TTC7B: variants seen among roughly 807,000 people sequenced by gnomAD.
TTC7B encodes tetratricopeptide repeat protein 7B.
A neutral mutation model predicts 106.8 loss-of-function variants in TTC7B; 28 were observed. The observed-to-expected ratio is 0.26, with a 90% CI of 0.19 to 0.36. The LOEUF (loss-of-function observed/expected upper bound fraction) is 0.36, where lower values mean the gene tolerates loss of function less well. TTC7B is among the 10% of genes least tolerant of loss of function. The pLI is 1.00. For missense variants in TTC7B, 862 were observed against 1,076.4 expected (o/e 0.80, Z 2.79); for synonymous variants, 405 against 430.6 (o/e 0.94, Z 0.74).
chr14:90,609,002 A>G (rs916449524), intron 17 of TTC7B, among the ~76,000 whole-genome samples: 2 of 152,148 alleles, frequency 1.3e-5, no homozygotes, highest in African/African-American at 4.8e-5. Context: ...CTGGTGCTAT[A>G]GTGAGTTTCA....
chr14:90,568,012 T>TG (rs1890871080), intron 19 of TTC7B, among the ~76,000 whole-genome samples: 1 of 152,018 alleles, frequency 6.6e-6, no homozygotes, highest in Non-Finnish European at 1.5e-5. Flanking sequence ...GAGCCCTCAA[T>TG]GGGGAGTCTC....
In TTC7B at chr14:90,694,931, A is replaced by G. The variant is rs1887646075; in HGVS notation, c.777+569T>C. On this transcript the variant is annotated intron_variant, in intron 6 of 19. Transcript: ENST00000328459. The stretch of plus-strand genomic sequence containing the variant: ...ACATATATTTATTATAAATATATGT[A>G]TAATATGTCACATATATTTATTATA... Among the ~76,000 whole-genome samples, 3 of 19,974 alleles carry G rather than the reference A, an allele frequency of 1.5e-4. No individual in the cohort carries two copies. In the Admixed American group the frequency reaches 1.9e-3, roughly 13 times the overall value. The allele number at this position is 19,974 out of a possible 152,430, so 13.1% of individuals were successfully genotyped here.
intron 15 of TTC7B, among the ~76,000 whole-genome samples, chr14:90,628,383 G>C (rs558755745): frequency 6.6e-6 from 1 of 152,244 alleles, no homozygotes; most frequent in South Asian, 2.1e-4. Context: ...AGGATCTCTC[G>C]GTCTTTATTT....
intron 5 of TTC7B, among the ~76,000 whole-genome samples, chr14:90,727,309 C>T (rs558045496): frequency 2.8e-4 from 43 of 152,272 alleles, no homozygotes; most frequent in African/African-American, 9.6e-4. Flanking sequence ...CGAGCCACAG[C>T]GCTTCCCACA....
chr14:90,606,921 C>T (rs1026636236), intron 17 of TTC7B, among the ~76,000 whole-genome samples: 1 of 152,036 alleles, frequency 6.6e-6, no homozygotes, highest in Non-Finnish European at 1.5e-5. Context: ...GTATAAGGAC[C>T]CAGGATATAT....
intron 5 of TTC7B, among the ~76,000 whole-genome samples, chr14:90,721,022 T>C (rs1441372231): frequency 1.3e-5 from 2 of 151,984 alleles, no homozygotes; most frequent in Non-Finnish European, 2.9e-5. Context: ...TGCTAACCAG[T>C]TCATCTGTCA....
At chr14:90,558,525 A>G (rs767537277) in intron 19 of TTC7B, among the ~76,000 whole-genome samples, 13 of 152,242 alleles carry the variant, frequency 8.5e-5, no homozygotes. Context: ...GGCTTCCCCC[A>G]TCACTGCCAG....
At chr14:90,764,463 G>T (rs767521693) in intron 3 of TTC7B, among the ~76,000 whole-genome samples, 6 of 151,764 alleles carry the variant, frequency 4.0e-5, no homozygotes, top group Non-Finnish European at 8.8e-5. Flanking sequence ...AAATGAACTG[G>T]ACTTAATCAA....
chr14:90,655,305 T>C (rs1232522170), intron 11 of TTC7B, among the ~76,000 whole-genome samples, 195 bp from the exon 12 acceptor site: 1 of 152,208 alleles, frequency 6.6e-6, no homozygotes, highest in Non-Finnish European at 1.5e-5. Flanking sequence ...TACCTTGCTT[T>C]TTCTCCTTAA....
intron 15 of TTC7B, among the ~76,000 whole-genome samples, chr14:90,627,964 A>C (rs891553307): frequency 2.0e-5 from 3 of 152,114 alleles, no homozygotes; most frequent in African/African-American, 7.2e-5. Context: ...AGACCTCTCC[A>C]GTTCCTGTGA....
intron 15 of TTC7B, among the ~76,000 whole-genome samples, chr14:90,641,234 C>T (rs550215382): frequency 1.8e-4 from 28 of 152,278 alleles, no homozygotes; most frequent in African/African-American, 6.3e-4. Flanking sequence ...TTCATGGTGA[C>T]AGGAATGTAA....
chr14:90,799,323 C>A (rs1206427764), intron 1 of TTC7B, among the ~76,000 whole-genome samples: 1 of 152,196 alleles, frequency 6.6e-6, no homozygotes, highest in Non-Finnish European at 1.5e-5. Flanking sequence ...TTGCACATCA[C>A]CCCCATTCAT....
At position 90,531,792 on chromosome 14, in the gene TTC7B, G is replaced by A. The variant is rs575728742; in HGVS notation, c.*9576C>T. ...AAGTTGAAATTTTTGAAGTGAAATT[G>A]TAAAGTTGAAAGCCAGAGAATCTGA... On this transcript the variant is annotated 3_prime_UTR_variant, in exon 20 of 20. Coordinates refer to ENST00000328459, the MANE Select transcript of TTC7B (RefSeq NM_001010854.2). 1.6e-4 allele frequency: 24 copies of A among 152,340 alleles called. No homozygotes were observed. In the East Asian group the frequency reaches 4.2e-3, roughly 27 times the overall value. The allele number at this position is 152,340 out of a possible 1,614,324, so 9.4% of individuals were successfully genotyped here. A position where few individuals can be genotyped will look rare whatever the true frequency, so the allele number is the denominator to read the frequency against.
intron 16 of TTC7B, among the ~76,000 whole-genome samples, chr14:90,615,904 G>T (rs541634225): frequency 3.3e-5 from 5 of 152,196 alleles, no homozygotes; most frequent in Admixed American, 3.3e-4. Context: ...CACCCCATCC[G>T]CCAGTCCCCA....
At position 90,578,013 on chromosome 14, in the gene TTC7B, G is replaced by T; in HGVS notation, c.2310+93C>A. Reference sequence around the variant, plus strand: ...AGCTAACTGCATGGGGCCTTTGGAAGCAGAAGAGGGTGTGAGGGTCATGTG... The same window carrying T: ...AGCTAACTGCATGGGGCCTTTGGAATCAGAAGAGGGTGTGAGGGTCATGTG... On this transcript the variant is annotated intron_variant, in intron 19 of 19. Transcript: ENST00000328459. The surrounding 1 kb of genome is among the most constrained non-coding windows in gnomAD (Gnocchi z 4.7). The T allele has an allele frequency of 6.9e-7, 1 of 1,439,252 alleles. No individual in the cohort carries two copies. The highest frequency in any genetic ancestry group is 9.4e-7 in the Non-Finnish European group (1 of 1,059,972). The allele number at this position is 1,439,252 out of a possible 1,614,324, so 89.2% of individuals were successfully genotyped here.
At chr14:90,543,864 C>T (rs1025101515) in intron 19 of TTC7B, among the ~76,000 whole-genome samples, 1 of 152,246 alleles carries the variant, frequency 6.6e-6, no homozygotes, top group Non-Finnish European at 1.5e-5. Context: ...GCTTCACCAA[C>T]AGGCAAGAGG....
chr14:90,622,946 C>T (rs530701257), intron 15 of TTC7B, among the ~76,000 whole-genome samples: 1 of 152,108 alleles, frequency 6.6e-6, no homozygotes, highest in Admixed American at 6.5e-5. Context: ...CCTACGCCCC[C>T]ACTCGAGCCG....
intron 5 of TTC7B, among the ~76,000 whole-genome samples, chr14:90,722,325 T>C (rs1888928224): frequency 1.3e-5 from 2 of 152,170 alleles, no homozygotes; most frequent in Admixed American, 6.5e-5. Flanking sequence ...ATGTAGCCTG[T>C]GGCCAAAAAC....
chr14:90,595,773 C>T (rs958836214), intron 17 of TTC7B, among the ~76,000 whole-genome samples: 1 of 152,190 alleles, frequency 6.6e-6, no homozygotes, highest in Admixed American at 6.5e-5. Flanking sequence ...CCACATCACT[C>T]AGTCTAGGGG....
Sources: allele counts gnomAD v4.1 joint callset (sites outside exome capture counted in the v4.1 genomes callset), GRCh38; gene constraint gnomAD v4.1.1; non-coding constraint Gnocchi (gnomAD v3.1); transcripts MANE v1.5; gene names NCBI Gene and HGNC (gene_info 2026-07-23, HGNC 2026-07-21).